Variants in HDAC3 observed in about 807,000 individuals in gnomAD.
HDAC3 encodes the protein SMAP45.
HDAC3 carries 21 observed loss-of-function variants against 62.3 expected under a neutral mutation model. That is an observed-to-expected ratio of 0.34 (90% CI 0.24 to 0.49). The LOEUF (loss-of-function observed/expected upper bound fraction) is 0.49. Among genes scored for constraint, HDAC3 ranks in the 20% least tolerant of loss-of-function variants. HDAC3 has a pLI of 0.99. For synonymous variants in HDAC3, 198 were observed against 206.5 expected (o/e 0.96, Z 0.35); for missense variants, 270 against 556.9 (o/e 0.48, Z 5.19).
At chr5:141,636,129 G>C in intron 2 of HDAC3, 1 of 196,196 alleles carries the variant, frequency 5.1e-6, no homozygotes, top group South Asian at 1.1e-4. Flanking sequence ...TAGCTCCTTG[G>C]AGGTAAAGAA....
Position 141,629,816 on chromosome 5 carries a change from T to G in HDAC3, c.420+44A>C. 6.2e-7 allele frequency: 1 copy of G among 1,608,622 alleles called. No homozygotes were observed. Among genetic ancestry groups the G allele is most frequent in the Non-Finnish European group, 8.5e-7 (1 of 1,175,034 alleles). The stretch of plus-strand genomic sequence containing the variant: ...GCCCCCCACCATCATCCTAAACACC[T>G]ACCCTAGGATGGCCACTGTCTTTCC... On this transcript the variant is annotated intron_variant, in intron 5 of 14. Coordinates refer to ENST00000305264, the MANE Select transcript of HDAC3 (RefSeq NM_003883.4). The surrounding 1 kb of genome is among the most constrained non-coding windows in gnomAD (Gnocchi z 5.3).
intron 2 of HDAC3, 103 bp downstream of exon 2, chr5:141,636,445 C>G: frequency 3.0e-6 from 3 of 1,009,774 alleles, no homozygotes; most frequent in Non-Finnish European, 3.1e-6. Context: ...CTCCCCGATA[C>G]TCTAGGGGCG....
intron 3 of HDAC3, among the ~76,000 whole-genome samples, chr5:141,633,411 TG>T (rs2099905512): frequency 6.6e-6 from 1 of 152,214 alleles, no homozygotes; most frequent in Non-Finnish European, 1.5e-5. Context: ...AATGATACTA[TG>T]TTTTTTTAAA....
rs760588602 is a variant in HDAC3, at chr5:141,629,774, C to G, written c.421-35G>C. On this transcript the variant is annotated intron_variant, in intron 5 of 14. Transcript: ENST00000305264. The surrounding 1 kb of genome is among the most constrained non-coding windows in gnomAD (Gnocchi z 5.3). ...GACAGTGGTCTCATAAAGAGAAGAG[C>G]AATTCCCCTCCCAGCTGCCCCCCAC... 1.2e-6 allele frequency: 2 copies of G among 1,612,926 alleles called. No homozygotes were observed. Among genetic ancestry groups the G allele is most frequent in the African/African-American group, 2.7e-5 (2 of 74,884 alleles).
At position 141,625,479 on chromosome 5, in the gene HDAC3, A is replaced by C; in HGVS notation, c.1060-114T>G. ...TGGTTTTCATCTCAGTGGTACCTCT[A>C]GTTCAGGTCCCCCAACTGATAGCTC... On this transcript the variant is annotated intron_variant, in intron 13 of 14. Transcript: ENST00000305264. This position sits in a 1 kb window ranked among gnomAD's most constrained non-coding sequence, Gnocchi z 4.0. 1 of 1,271,744 alleles carries C rather than the reference A, an allele frequency of 7.9e-7. No homozygotes were observed. Among genetic ancestry groups the C allele is most frequent in the Non-Finnish European group, 1.1e-6 (1 of 881,906 alleles). The allele number at this position is 1,271,744 out of a possible 1,614,324, so 78.8% of individuals were successfully genotyped here. A position where few individuals can be genotyped will look rare whatever the true frequency, so the allele number is the denominator to read the frequency against.
In HDAC3 at chr5:141,629,198, G is replaced by GT; in HGVS notation, c.584dup (p.Tyr195Ter). The change falls in exon 7 of 15, where the codon TAC becomes TAAC. Residue 195 changes from tyrosine (Y) to a stop codon, truncating the protein, a stop_gained and frameshift_variant. Transcript: ENST00000305264. LOFTEE classifies it high-confidence loss of function. The surrounding 1 kb of genome is among the most constrained non-coding windows in gnomAD (Gnocchi z 5.3). ...CTGTGCCAGGGAAGAAGTAATTTCCGTATTTGTGGAAGGACACCGTCATGA... is the reference window on the plus strand; with the variant it reads ...CTGTGCCAGGGAAGAAGTAATTTCCGTTATTTGTGGAAGGACACCGTCATGA... ...DRVMTVSFHKYGNYFFPGTGD... is the reference protein window; with the variant it reads ...DRVMTVSFHK 6.2e-7 allele frequency: 1 copy of GT among 1,614,154 alleles called. No homozygotes were observed. Among genetic ancestry groups the GT allele is most frequent in the Non-Finnish European group, 8.5e-7 (1 of 1,180,010 alleles).
In HDAC3 at chr5:141,626,141, G is replaced by A; in HGVS notation, c.920+53C>T. 6.2e-7 allele frequency: 1 copy of A among 1,605,552 alleles called. No homozygotes were observed. Among genetic ancestry groups the A allele is most frequent in the Non-Finnish European group, 8.5e-7 (1 of 1,172,210 alleles). ...AAGGACCCATGTGGCCATATCTGAG[G>A]GACACCCTAGCTCACACTGGACAAC... On this transcript the variant is annotated intron_variant, in intron 11 of 14. Coordinates refer to ENST00000305264, the MANE Select transcript of HDAC3 (RefSeq NM_003883.4). The surrounding 1 kb of genome is among the most constrained non-coding windows in gnomAD (Gnocchi z 4.6).
At position 141,630,142 on chromosome 5, in the gene HDAC3, C is replaced by A. The variant is rs1271646710; in HGVS notation, c.282-17G>T. ...AACACTGGGCTGCAGGGAAGAGGAA[C>A]AAGTTGGAACCCTCCTGCCTCTGTC... is the stretch of plus-strand genomic sequence containing the variant. On this transcript the variant is annotated splice_polypyrimidine_tract_variant and intron_variant, in intron 3 of 14. Coordinates refer to ENST00000305264, the MANE Select transcript of HDAC3 (RefSeq NM_003883.4). The A allele has an allele frequency of 1.2e-6, 2 of 1,612,242 alleles. No individual in the cohort carries two copies. Among genetic ancestry groups the A allele is most frequent in the Non-Finnish European group, 1.7e-6 (2 of 1,179,154 alleles).
chr5:141,626,354 C>T lies in HDAC3; in HGVS notation c.831-71G>A. 9.1e-7 allele frequency: 1 copy of T among 1,094,044 alleles called. No individual in the cohort carries two copies. The highest frequency in any genetic ancestry group is 1.4e-6 in the Non-Finnish European group (1 of 718,714). The allele number at this position is 1,094,044 out of a possible 1,614,324, so 67.8% of individuals were successfully genotyped here. ...ACAAGGTAAATACCTTTAGGTATTGCCTGAAAGGAGCACAAGAAAACTATA... is the reference window on the plus strand; with the variant it reads ...ACAAGGTAAATACCTTTAGGTATTGTCTGAAAGGAGCACAAGAAAACTATA... On this transcript the variant is annotated intron_variant, in intron 10 of 14. Transcript: ENST00000305264. This position sits in a 1 kb window ranked among gnomAD's most constrained non-coding sequence, Gnocchi z 4.6.
rs1219096417 is a variant in HDAC3 at position 141,629,797 on chromosome 5, C to A, written c.421-58G>T. 19 of 1,611,618 alleles carry A rather than the reference C, an allele frequency of 1.2e-5. No homozygotes were observed. Among genetic ancestry groups the A allele is most frequent in the Admixed American group, 3.3e-5 (2 of 59,994 alleles). On this transcript the variant is annotated intron_variant, in intron 5 of 14. Transcript: ENST00000305264. The surrounding 1 kb of genome is among the most constrained non-coding windows in gnomAD (Gnocchi z 5.3). ...AGCAATTCCCCTCCCAGCTGCCCCC[C>A]ACCATCATCCTAAACACCTACCCTA...
rs1398798429 is a variant in HDAC3, at chr5:141,630,770, CTAGGTTGCAGAGAAGTTAT to C, written c.282-664_282-646del. On this transcript the variant is annotated intron_variant, in intron 3 of 14. Coordinates refer to ENST00000305264, the MANE Select transcript of HDAC3 (RefSeq NM_003883.4). ...ACATCTTATCAGTAGTTGGCTGGAT[CTAGGTTGCAGAGAAGTTAT>C]TAACTACAAAAGGGTGAGTGACCTT... is the stretch of plus-strand genomic sequence containing the variant. 3.3e-5 allele frequency among the ~76,000 whole-genome samples: 5 copies of C among 151,756 alleles called. No individual in the cohort carries two copies. The East Asian group carries it at 5.8e-4, about 18-fold the overall frequency.
At chr5:141,634,719 C>G in intron 3 of HDAC3, 92 bp downstream of exon 3, 2 of 1,202,466 alleles carry the variant, frequency 1.7e-6, no homozygotes, top group Non-Finnish European at 2.4e-6. Flanking sequence ...ACAAGTAGGC[C>G]CCCCTTGAGA....
rs1458566237 is a variant in HDAC3, at chr5:141,629,544, G to A, written c.476+140C>T. On this transcript the variant is annotated intron_variant, in intron 6 of 14. Coordinates refer to ENST00000305264, the MANE Select transcript of HDAC3 (RefSeq NM_003883.4). The surrounding 1 kb of genome is among the most constrained non-coding windows in gnomAD (Gnocchi z 5.3). ...AGGCAGTAGGGAATCTGCAGCAGTG[G>A]AAGAGGCAGCCTGAATAAAGCATCA... is the stretch of plus-strand genomic sequence containing the variant. 6 of 949,284 alleles carry A rather than the reference G, an allele frequency of 6.3e-6. No homozygotes were observed. The East Asian group carries it at 9.6e-5, about 15-fold the overall frequency. The allele number at this position is 949,284 out of a possible 1,614,324, so 58.8% of individuals were successfully genotyped here.
intron 3 of HDAC3, among the ~76,000 whole-genome samples, chr5:141,631,109 C>G (rs2099905157): frequency 1.3e-5 from 2 of 151,916 alleles, no homozygotes. Context: ...CTTAGGCAAT[C>G]CCTAGTTTTA....
rs1468908752 is a variant in HDAC3 at position 141,628,895 on chromosome 5, G to A, written c.611-256C>T. On this transcript the variant is annotated intron_variant, in intron 7 of 14. Transcript: ENST00000305264. This position sits in a 1 kb window ranked among gnomAD's most constrained non-coding sequence, Gnocchi z 4.7. ...AATGAAATTTACGATATCCCACCAC[G>A]CTTATATTCTTAGGGAATAGCCATG... is the stretch of plus-strand genomic sequence containing the variant. Among the ~76,000 whole-genome samples the A allele has an allele frequency of 1.3e-5, 2 of 152,128 alleles. No homozygotes were observed. The highest frequency in any genetic ancestry group is 2.9e-5 in the Non-Finnish European group (2 of 68,022).
At chr5:141,631,038 A>C (rs2099905136) in intron 3 of HDAC3, among the ~76,000 whole-genome samples, 1 of 152,102 alleles carries the variant, frequency 6.6e-6, no homozygotes, top group South Asian at 2.1e-4. Flanking sequence ...CACCTAAAAA[A>C]GGTTAATTTT....
At position 141,629,213 on chromosome 5, in the gene HDAC3, C is replaced by A. The variant is rs957456280; in HGVS notation, c.570G>T (p.Val190=). Residue 190 remains valine, a synonymous_variant, in exon 7 of 15, where the codon GTG becomes GTT. Coordinates refer to ENST00000305264, the MANE Select transcript of HDAC3 (RefSeq NM_003883.4). This position sits in a 1 kb window ranked among gnomAD's most constrained non-coding sequence, Gnocchi z 5.3. The part of the protein sequence containing the change: ...AFYLTDRVMT[V]SFHKYGNYFF... ...AGTAATTTCCGTATTTGTGGAAGGA[C>A]ACCGTCATGACCCGGTCAGTGAGGT... 2 of 1,614,180 alleles carry A rather than the reference C, an allele frequency of 1.2e-6. No individual in the cohort carries two copies.
At position 141,625,025 on chromosome 5, in the gene HDAC3, A is replaced by C. The variant is rs2099904263; in HGVS notation, c.1217+183T>G. 8.1e-6 allele frequency: 5 copies of C among 621,092 alleles called. No homozygotes were observed. The highest frequency in any genetic ancestry group is 1.4e-5 in the Non-Finnish European group (5 of 367,804). The allele number at this position is 621,092 out of a possible 1,614,324, so 38.5% of individuals were successfully genotyped here. A position where few individuals can be genotyped will look rare whatever the true frequency, so the allele number is the denominator to read the frequency against. On this transcript the variant is annotated intron_variant, in intron 14 of 14. Transcript: ENST00000305264. This position sits in a 1 kb window ranked among gnomAD's most constrained non-coding sequence, Gnocchi z 4.0. ...CACCATATTTTGGTGCTGTTTTAAA[A>C]TTTTGCAATAAATACGTGTTACTTT...
Position 141,621,480 on chromosome 5 carries a change from A to G in HDAC3, c.1275T>C (p.Asp425=), listed in dbSNP as rs573845668. Residue 425 remains aspartate (D), a synonymous_variant, in exon 15 of 15, where the codon GAT becomes GAC. Coordinates refer to ENST00000305264, the MANE Select transcript of HDAC3 (RefSeq NM_003883.4). ...TCCCAAGCCACTCTTAAATCTCCAC[A>G]TCGCTTTCCTTGTCATTGTCATGGT... is the stretch of plus-strand genomic sequence containing the variant. ...DGDHDNDKES[D]VEI 10 of 1,613,590 alleles carry G rather than the reference A, an allele frequency of 6.2e-6. 1 individual carries two copies. Among genetic ancestry groups the G allele is most frequent in the East Asian group, 4.5e-5 (2 of 44,830 alleles).
Sources: allele counts gnomAD v4.1 joint callset (sites outside exome capture counted in the v4.1 genomes callset), GRCh38; gene constraint gnomAD v4.1.1; non-coding constraint Gnocchi (gnomAD v3.1); transcripts MANE v1.5; gene names NCBI Gene and HGNC (gene_info 2026-07-23, HGNC 2026-07-21).